The following RIN3 variants were observed in gnomAD, a reference collection of about 807,000 sequenced individuals.
RIN3 encodes Ras and Rab interactor 3.
In RIN3, 54 loss-of-function variants were observed where a neutral mutation model predicts 76.3. The observed-to-expected ratio is 0.71, with a 90% CI of 0.57 to 0.89. The LOEUF is 0.89. RIN3 is among the 40% of genes least tolerant of loss of function. The pLI is 0.00. For synonymous variants in RIN3, 576 were observed against 564.0 expected (o/e 1.02, Z -0.30); for missense variants, 1,256 against 1,322.1 (o/e 0.95, Z 0.78).
At position 92,631,921 on chromosome 14, in the gene RIN3, TC is replaced by T. The variant is rs1886598996; in HGVS notation, c.441-9315del. 5.3e-5 allele frequency among the ~76,000 whole-genome samples: 8 copies of T among 152,298 alleles called. No individual in the cohort carries two copies. In the South Asian group the frequency reaches 1.4e-3, roughly 28 times the overall value. ...CTCAGACCGGGGTTTGAGAACTTCT[TC>T]CAGGTGAATGATACCAGTTGCTTAC... On this transcript the variant is annotated intron_variant, in intron 4 of 9. Coordinates refer to ENST00000216487, the MANE Select transcript of RIN3 (RefSeq NM_024832.5).
chr14:92,536,863 G>A (rs531790593), intron 1 of RIN3, among the ~76,000 whole-genome samples: 2 of 59,624 alleles, frequency 3.4e-5, no homozygotes, highest in East Asian at 3.2e-4. Flanking sequence ...AATGATAACC[G>A]AGTAACCTTA....
At chr14:92,592,594 TG>T (rs1309198273) in intron 3 of RIN3, among the ~76,000 whole-genome samples, 1 of 151,400 alleles carries the variant, frequency 6.6e-6, no homozygotes, top group Non-Finnish European at 1.5e-5. Context: ...CCCAATACAA[TG>T]TAAGTACTAT....
At position 92,656,599 on chromosome 14, in the gene RIN3, C is replaced by A. The variant is rs1192468170; in HGVS notation, c.2027-2562C>A. Among the ~76,000 whole-genome samples the A allele has an allele frequency of 3.3e-5, 5 of 152,176 alleles. No homozygotes were observed. Among genetic ancestry groups the A allele is most frequent in the African/African-American group, 4.8e-5 (2 of 41,430 alleles). On this transcript the variant is annotated intron_variant, in intron 6 of 9. Coordinates refer to ENST00000216487, the MANE Select transcript of RIN3 (RefSeq NM_024832.5). The surrounding 1 kb of genome is among the most constrained non-coding windows in gnomAD (Gnocchi z 5.2). ...TCGGGCACCAAGATGTCAAGAGGTG[C>A]TAGACTTGGAGTTTGTCCTGGCAGG...
intron 1 of RIN3, among the ~76,000 whole-genome samples, chr14:92,517,244 G>C (rs1458849683): frequency 6.6e-6 from 1 of 152,142 alleles, no homozygotes; most frequent in Non-Finnish European, 1.5e-5. Flanking sequence ...GGGCTTGTGG[G>C]GCAGGGAGTG....
At chr14:92,517,949 A>G (rs1292436940) in intron 1 of RIN3, among the ~76,000 whole-genome samples, 1 of 152,158 alleles carries the variant, frequency 6.6e-6, no homozygotes, top group East Asian at 1.9e-4. Flanking sequence ...CCCTCAAGAA[A>G]GTCCTGCCCT....
At chr14:92,664,772 G>A (rs974068342) in intron 7 of RIN3, among the ~76,000 whole-genome samples, 1 of 152,058 alleles carries the variant, frequency 6.6e-6, no homozygotes, top group Non-Finnish European at 1.5e-5. Context: ...GCTTTCCTAG[G>A]TATTTTGTGG....
chr14:92,688,264 G>A lies in RIN3; in HGVS notation c.*12G>A. On this transcript the variant is annotated 3_prime_UTR_variant, in exon 10 of 10. Coordinates refer to ENST00000216487, the MANE Select transcript of RIN3 (RefSeq NM_024832.5). ...CCAACTTCCTGTGAGGCCCTCCCGG[G>A]GCGCCTCCCCTCACCCCCAGGCGCA... The A allele has an allele frequency of 6.4e-7, 1 of 1,557,950 alleles. No homozygotes were observed. Among genetic ancestry groups the A allele is most frequent in the Non-Finnish European group, 8.7e-7 (1 of 1,154,222 alleles).
At chr14:92,612,345 G>A (rs1258402524) in intron 3 of RIN3, among the ~76,000 whole-genome samples, 1 of 152,168 alleles carries the variant, frequency 6.6e-6, no homozygotes, top group African/African-American at 2.4e-5. Flanking sequence ...TCAGAACAAA[G>A]GATTGTTTGT....
chr14:92,562,228 T>C (rs909500221), intron 2 of RIN3, among the ~76,000 whole-genome samples: 2 of 152,202 alleles, frequency 1.3e-5, no homozygotes, highest in Non-Finnish European at 2.9e-5. Context: ...TAAAATAATC[T>C]AATCACATCA....
chr14:92,528,213 G>A (rs924369119), intron 1 of RIN3, among the ~76,000 whole-genome samples: 1 of 152,206 alleles, frequency 6.6e-6, no homozygotes. Context: ...TGTGCCCCGT[G>A]GGGGCGGGGA....
intron 3 of RIN3, among the ~76,000 whole-genome samples, chr14:92,590,892 G>A (rs191680358): frequency 5.1e-4 from 78 of 152,230 alleles, no homozygotes; most frequent in Admixed American, 5.1e-3. Flanking sequence ...CCTGTTTATA[G>A]CAGTTCCTTT....
chr14:92,647,465 G>A (rs1285527643), intron 5 of RIN3, among the ~76,000 whole-genome samples: 1 of 152,290 alleles, frequency 6.6e-6, no homozygotes, highest in South Asian at 2.1e-4. Flanking sequence ...GTGTGTATGT[G>A]TTTAATACTT....
At chr14:92,672,505 C>T (rs143216260) in intron 7 of RIN3, among the ~76,000 whole-genome samples, 23 of 152,332 alleles carry the variant, frequency 1.5e-4, no homozygotes, top group South Asian at 6.2e-4. Flanking sequence ...GAACAGACTG[C>T]GCAGGCAAGG....
At chr14:92,519,518 G>C (rs1383611945) in intron 1 of RIN3, among the ~76,000 whole-genome samples, 1 of 152,172 alleles carries the variant, frequency 6.6e-6, no homozygotes, top group Non-Finnish European at 1.5e-5. Flanking sequence ...GTGCTGAGGA[G>C]ATCGCAGACA....
intron 6 of RIN3, among the ~76,000 whole-genome samples, chr14:92,658,648 C>A (rs1221532790): frequency 6.6e-6 from 1 of 152,134 alleles, no homozygotes; most frequent in Non-Finnish European, 1.5e-5. Flanking sequence ...GCCTGACCAA[C>A]CCAGGTCAAG....
intron 3 of RIN3, among the ~76,000 whole-genome samples, chr14:92,613,164 C>T (rs372531071): frequency 2.6e-5 from 4 of 152,214 alleles, no homozygotes; most frequent in South Asian, 2.1e-4. Flanking sequence ...CCCTTCCCAT[C>T]TTACAGATGG....
chr14:92,546,169 C>T (rs1172967049), intron 1 of RIN3, among the ~76,000 whole-genome samples: 1 of 152,124 alleles, frequency 6.6e-6, no homozygotes, highest in East Asian at 1.9e-4. Flanking sequence ...AAATGATCCA[C>T]CTACCTCGGC....
intron 2 of RIN3, among the ~76,000 whole-genome samples, chr14:92,563,539 G>A (rs745986014): frequency 8.5e-5 from 13 of 152,118 alleles, no homozygotes; most frequent in Non-Finnish European, 1.6e-4. Flanking sequence ...AGGAAACTCA[G>A]CTCTGAGACG....
intron 6 of RIN3, among the ~76,000 whole-genome samples, chr14:92,655,561 G>A (rs1195364114): frequency 6.6e-6 from 1 of 152,244 alleles, no homozygotes; most frequent in Non-Finnish European, 1.5e-5. Context: ...CCAAGGGTGA[G>A]TGACCTCACT....
Sources: gnomAD v4.1 joint callset for allele counts (sites outside exome capture counted in the v4.1 genomes callset) on GRCh38, gnomAD v4.1.1 for gene constraint, Gnocchi (gnomAD v3.1) non-coding constraint, MANE v1.5 for transcripts, NCBI Gene and HGNC (gene_info 2026-07-23, HGNC 2026-07-21) for gene names.